The following JAKMIP3 variants were observed in gnomAD, a reference collection of about 807,000 sequenced individuals.
The protein encoded by JAKMIP3 is janus kinase and microtubule-interacting protein 3.
Under a neutral mutation model 118.5 loss-of-function variants are expected in JAKMIP3, and 58 were observed. The ratio of observed to expected loss-of-function variants is 0.49; its 90% CI spans 0.40 to 0.61. The LOEUF (loss-of-function observed/expected upper bound fraction) is 0.61. Among genes scored for constraint, JAKMIP3 ranks in the 20% least tolerant of loss-of-function variants. The probability of loss-of-function intolerance (pLI) is 0.00; values close to 1 mark genes in which losing one functional copy is unlikely to be tolerated. For missense variants in JAKMIP3, 950 were observed against 1,109.0 expected (o/e 0.86, Z 2.04); for synonymous variants, 486 against 451.2 (o/e 1.08, Z -0.98).
chr10:132,180,788 T>TGTGTGCGTGC (rs1491365450), intron 23 of JAKMIP3, among the ~76,000 whole-genome samples: 1 of 10,726 alleles, frequency 9.3e-5, no homozygotes, highest in Admixed American at 1.0e-3. Context: ...TGTGTGCGCG[T>TGTGTGCGTGC]ATGCATGTGC....
rs2053304038 is a variant in JAKMIP3, at chr10:132,140,612, G to A, written c.1473+33G>A. ...GGGTCTCCTGCCGGGTCCTGGGCTT[G>A]GAGGAGGTAACGAGGGTCTCCTGCC... On this transcript the variant is annotated intron_variant, in intron 10 of 23. Transcript: ENST00000684848. 2.2e-6 allele frequency: 3 copies of A among 1,334,548 alleles called. No homozygotes were observed. The South Asian group carries it at 4.2e-5, about 19-fold the overall frequency. The allele number at this position is 1,334,548 out of a possible 1,614,324, so 82.7% of individuals were successfully genotyped here.
intron 23 of JAKMIP3, among the ~76,000 whole-genome samples, chr10:132,172,996 CTTCCCT>C (rs2059677408): frequency 3.6e-5 from 2 of 55,092 alleles, no homozygotes; most frequent in African/African-American, 8.3e-5. Context: ...TCTCTCTCTC[CTTCCCT>C]CTCTCTCTCT....
At chr10:132,113,341 G>T (rs1211419876) in intron 2 of JAKMIP3, among the ~76,000 whole-genome samples, 3 of 152,258 alleles carry the variant, frequency 2.0e-5, no homozygotes, top group Non-Finnish European at 4.4e-5. Flanking sequence ...CTCTGCAGGT[G>T]CCTTGGCCAC....
chr10:132,166,987 T>C lies in JAKMIP3; in HGVS notation c.2495T>C (p.Leu832Pro). The C allele has an allele frequency of 3.2e-6, 5 of 1,545,414 alleles. 1 individual carries two copies. The Middle Eastern group carries it at 6.7e-4, about 206-fold the overall frequency. Residue 832 changes from leucine (L) to proline (P), a missense_variant, in exon 22 of 24, where the codon CTA becomes CCA. Leu to Pro is a moderately conservative substitution (Grantham distance 98). Transcript: ENST00000684848. ...RQIKELEEKFLFLFLFFSLAF... is the reference protein window; with the variant it reads ...RQIKELEEKFPFLFLFFSLAF... ...ATCCTCCCCTTTCCGTTTCAGTTTC[T>C]ATTTTTGTTCTTATTTTTCTCCTTA...
At chr10:132,059,907 G>A (rs757983048), upstream of JAKMIP3, among the ~76,000 whole-genome samples, 1 of 152,224 alleles carries the variant, frequency 6.6e-6, no homozygotes, top group Non-Finnish European at 1.5e-5. Flanking sequence ...AATCTGGGTT[G>A]CTGGAAAGGA....
chr10:132,087,724 A>G (rs1024551741), intron 1 of JAKMIP3, among the ~76,000 whole-genome samples: 5 of 144,712 alleles, frequency 3.5e-5, no homozygotes, highest in Non-Finnish European at 7.6e-5. Context: ...TTTTTTTTTT[A>G]TACTTTAAGT....
chr10:132,062,235 C>T (rs1311666873), upstream of JAKMIP3, among the ~76,000 whole-genome samples: 1 of 152,202 alleles, frequency 6.6e-6, no homozygotes, highest in Non-Finnish European at 1.5e-5. Flanking sequence ...CCTCAGACTG[C>T]CCATCAGGCT....
chr10:132,115,069 G>A (rs1302721328), intron 2 of JAKMIP3, among the ~76,000 whole-genome samples: 1 of 152,210 alleles, frequency 6.6e-6, no homozygotes, highest in Non-Finnish European at 1.5e-5. Context: ...CGCATGAAGT[G>A]TTAGCTGCTG....
chr10:132,098,004 C>CTCTCCCTTTCCT (rs2044259595), intron 1 of JAKMIP3, among the ~76,000 whole-genome samples: 2 of 49,192 alleles, frequency 4.1e-5, no homozygotes, highest in African/African-American at 6.7e-5. Context: ...TCCCCTTCCC[C>CTCTCCCTTTCCT]TCCTTCCTTT....
intron 1 of JAKMIP3, among the ~76,000 whole-genome samples, chr10:132,045,775 G>A (rs112679112): frequency 3.3e-5 from 5 of 151,918 alleles, no homozygotes; most frequent in African/African-American, 1.2e-4. Flanking sequence ...CAAAACATCT[G>A]GGAAAAAAAT....
chr10:132,153,107 G>A (rs2056517061), intron 17 of JAKMIP3, 84 bp downstream of exon 17: 3 of 1,173,364 alleles, frequency 2.6e-6, no homozygotes, highest in Admixed American at 2.0e-5. Context: ...GGTGATCTCG[G>A]GAGGAGGGCC....
intron 19 of JAKMIP3, among the ~76,000 whole-genome samples, chr10:132,159,798 G>GT (rs1271296031): frequency 2.3e-5 from 2 of 86,744 alleles, no homozygotes; most frequent in Non-Finnish European, 2.2e-5. Flanking sequence ...TGATGCTGGG[G>GT]GGCCTCTCGC....
At chr10:132,120,232 CAGTG>C (rs528147457) in intron 3 of JAKMIP3, among the ~76,000 whole-genome samples, 73 of 152,336 alleles carry the variant, frequency 4.8e-4, no homozygotes, top group African/African-American at 1.6e-3. Flanking sequence ...AAACCCCTGT[CAGTG>C]GGAAGACCAG....
Position 132,163,344 on chromosome 10 carries a change from A to G in JAKMIP3, c.2356A>G (p.Ser786Gly), listed in dbSNP as rs1440579500. The change falls in exon 20 of 24, where the codon AGT becomes GGT. Residue 786 changes from serine (S) to glycine (G), a missense_variant. Transcript: ENST00000684848. ...AVEQWKRQVM[S>G]ELRERDAQIL... ...GGAGCAGTGGAAGCGCCAGGTCATG[A>G]GTGAGCTGCGCGAGCGGGACGCCCA... The G allele has an allele frequency of 9.3e-6, 15 of 1,609,836 alleles. No individual in the cohort carries two copies. Among genetic ancestry groups the G allele is most frequent in the Non-Finnish European group, 1.3e-5 (15 of 1,179,464 alleles).
intron 16 of JAKMIP3, 41 bp from the exon 17 acceptor site, chr10:132,152,917 C>T (rs1416828680): frequency 1.3e-6 from 2 of 1,516,482 alleles, no homozygotes; most frequent in Admixed American, 1.9e-5. Context: ...CCCCCAAAGG[C>T]ACTGCTTCTG....
intron 3 of JAKMIP3, among the ~76,000 whole-genome samples, chr10:132,126,947 C>G (rs531963531): frequency 1.5e-3 from 235 of 152,156 alleles, no homozygotes; most frequent in Admixed American, 2.9e-3. Flanking sequence ...TTTGGCTGGC[C>G]TCATAAAATG....
chr10:132,113,507 A>C (rs1282286819), intron 2 of JAKMIP3, among the ~76,000 whole-genome samples: 1 of 152,244 alleles, frequency 6.6e-6, no homozygotes, highest in Non-Finnish European at 1.5e-5. Flanking sequence ...GGAAACTGCT[A>C]AGGACGTTAG....
Position 132,168,003 on chromosome 10 carries a change from C to CA in JAKMIP3, c.*77dup, listed in dbSNP as rs748223786. The CA allele has an allele frequency of 8.3e-5, 107 of 1,289,510 alleles. 2 individuals are homozygous for CA. The South Asian group carries it at 1.2e-3, about 15-fold the overall frequency. The allele number at this position is 1,289,510 out of a possible 1,614,324, so 79.9% of individuals were successfully genotyped here. ...CTCCAGTGGGACCAGAAAGCAGGGACAAAATGGGACGTCGCGTCTCCATCC... is the reference window on the plus strand; with the variant it reads ...CTCCAGTGGGACCAGAAAGCAGGGACAAAAATGGGACGTCGCGTCTCCATCC... On this transcript the variant is annotated 3_prime_UTR_variant, in exon 23 of 24. Coordinates refer to ENST00000684848, the MANE Select transcript of JAKMIP3 (RefSeq NM_001323087.2).
intron 23 of JAKMIP3, among the ~76,000 whole-genome samples, chr10:132,180,748 C>A (rs1037237148): frequency 1.2e-4 from 1 of 8,328 alleles, no homozygotes; most frequent in African/African-American, 6.9e-4. Flanking sequence ...CGTGCGTGCG[C>A]GCGCGTGTGT....
Sources: gnomAD v4.1 joint callset for allele counts (sites outside exome capture counted in the v4.1 genomes callset) on GRCh38, gnomAD v4.1.1 for gene constraint, MANE v1.5 for transcripts, NCBI Gene and HGNC (gene_info 2026-07-23, HGNC 2026-07-21) for gene names.